The following GATC variants were observed in gnomAD, a reference collection of about 807,000 sequenced individuals.
GATC encodes the protein glutamyl-tRNA(Gln) amidotransferase subunit C, mitochondrial.
A neutral mutation model predicts 14.4 loss-of-function variants in GATC; 11 were observed. That is an observed-to-expected ratio of 0.77 (90% CI 0.48 to 1.27). GATC has a LOEUF of 1.27. Among genes scored for constraint, GATC ranks in the 50% most tolerant of loss-of-function variants. The pLI, the probability that GATC is intolerant of heterozygous loss-of-function variation, is 0.00. For synonymous variants in GATC, 76 were observed against 79.3 expected (o/e 0.96, Z 0.22); for missense variants, 204 against 183.0 (o/e 1.11, Z -0.66).
chr12:120,451,774 G>C (rs1800895574), intron 2 of GATC, among the ~76,000 whole-genome samples: 2 of 150,982 alleles, frequency 1.3e-5, no homozygotes, highest in Admixed American at 6.6e-5. Context: ...AAAACGCCTT[G>C]ACTGGCTAAT....
rs1365085169 is a variant in GATC at position 120,463,300 on chromosome 12, G to T, written c.*3341G>T. 5.3e-5 allele frequency: 8 copies of T among 152,326 alleles called. No homozygotes were observed. The highest frequency in any genetic ancestry group is 3.9e-4 in the Admixed American group (6 of 15,302). 9.4% of individuals were successfully genotyped at this position (152,326 alleles called of 1,614,324 possible). A position where few individuals can be genotyped will look rare whatever the true frequency, so the allele number is the denominator to read the frequency against. The stretch of plus-strand genomic sequence containing the variant: ...TGTTACGGTTTAGCCTGGCACAGTG[G>T]TGCATGCCTGCAGTCCCAACTACTG... On this transcript the variant is annotated 3_prime_UTR_variant, in exon 4 of 4. Transcript: ENST00000551765.
Position 120,461,733 on chromosome 12 carries a change from G to C in GATC, c.*1774G>C, listed in dbSNP as rs1036507635. 1 of 239,654 alleles carries C rather than the reference G, an allele frequency of 4.2e-6. No homozygotes were observed. Among genetic ancestry groups the C allele is most frequent in the Non-Finnish European group, 7.9e-6 (1 of 126,278 alleles). 14.8% of individuals were successfully genotyped at this position (239,654 alleles called of 1,614,324 possible). ...GGCCGACTCAGTCACAGTAACTGTT[G>C]ATCTCCATAGTAGAGCAACCCACAA... On this transcript the variant is annotated 3_prime_UTR_variant, in exon 4 of 4. Coordinates refer to ENST00000551765, the MANE Select transcript of GATC (RefSeq NM_176818.3).
intron 2 of GATC, among the ~76,000 whole-genome samples, chr12:120,453,291 C>A (rs920038353): frequency 6.6e-6 from 1 of 152,176 alleles, no homozygotes; most frequent in African/African-American, 2.4e-5. Flanking sequence ...GTTATTGTTC[C>A]TGAGTTTTAA....
In GATC at chr12:120,462,147, T is replaced by G; in HGVS notation, c.*2188T>G. ...GTGCTTCTCTCAGGATAAACTCGGA[T>G]GTAGGAAGTTTCACCCTGAAATGCA... On this transcript the variant is annotated 3_prime_UTR_variant, in exon 4 of 4. Transcript: ENST00000551765. The G allele has an allele frequency of 6.2e-7, 1 of 1,609,658 alleles. No individual in the cohort carries two copies. Among genetic ancestry groups the G allele is most frequent in the Non-Finnish European group, 8.5e-7 (1 of 1,178,226 alleles).
chr12:120,450,057 C>G (rs970192617), intron 2 of GATC, among the ~76,000 whole-genome samples: 1 of 152,168 alleles, frequency 6.6e-6, no homozygotes, highest in African/African-American at 2.4e-5. Flanking sequence ...CCACCATGCC[C>G]GGTCCCAGTG....
chr12:120,462,844 T>C lies in GATC; in HGVS notation c.*2885T>C, dbSNP rs1364982129. On this transcript the variant is annotated 3_prime_UTR_variant, in exon 4 of 4. Coordinates refer to ENST00000551765, the MANE Select transcript of GATC (RefSeq NM_176818.3). ...CCAAGGGGAAAGAAGCCGGATGCTT[T>C]TTCACCTTAGGTGAAAGTCAGTAAT... 6.6e-6 allele frequency: 1 copy of C among 152,236 alleles called. No homozygotes were observed. The highest frequency in any genetic ancestry group is 1.5e-5 in the Non-Finnish European group (1 of 68,070). The allele number at this position is 152,236 out of a possible 1,614,324, so 9.4% of individuals were successfully genotyped here. A position where few individuals can be genotyped will look rare whatever the true frequency, so the allele number is the denominator to read the frequency against.
Position 120,457,172 on chromosome 12 carries a change from C to G in GATC, c.351C>G (p.Ala117=), listed in dbSNP as rs375590833. 4 of 1,608,506 alleles carry G rather than the reference C, an allele frequency of 2.5e-6. No individual in the cohort carries two copies. Among genetic ancestry groups the G allele is most frequent in the Middle Eastern group, 1.7e-4 (1 of 6,036 alleles). Residue 117 remains alanine, a synonymous_variant, in exon 3 of 4, where the codon GCC becomes GCG. Transcript: ENST00000551765. ...SHRVVEEYFV[A]PPGNISLPKL... is the part of the protein sequence containing the mutation. ...GCGTCGTGGAGGAGTACTTTGTGGC[C>G]CCCCCAGGTACGTGCTGCCCAGAAT...
At chr12:120,459,513 G>A (rs547340473) in intron 3 of GATC, among the ~76,000 whole-genome samples, 4 of 152,306 alleles carry the variant, frequency 2.6e-5, no homozygotes, top group African/African-American at 7.2e-5. Flanking sequence ...TGAGAAAGTA[G>A]TGATCAGTTA....
chr12:120,459,725 G>A (rs572206226), intron 3 of GATC, among the ~76,000 whole-genome samples, 182 bp from the exon 4 acceptor site: 5 of 152,250 alleles, frequency 3.3e-5, no homozygotes, highest in South Asian at 4.1e-4. Context: ...GAGAGGTGGC[G>A]GGCGCCTGTA....
intron 3 of GATC, among the ~76,000 whole-genome samples, chr12:120,458,762 T>G (rs1878249877): frequency 6.6e-6 from 1 of 152,142 alleles, no homozygotes; most frequent in African/African-American, 2.4e-5. Context: ...CTGAGCAGAC[T>G]CCACAGAAGA....
chr12:120,451,872 A>ATTTTTTTTT (rs1555219520), intron 2 of GATC, among the ~76,000 whole-genome samples: 1 of 88,088 alleles, frequency 1.1e-5, no homozygotes. Context: ...AATTATATAA[A>ATTTTTTTTT]TTCTTTTTTT....
chr12:120,459,888 T>G lies in GATC; in HGVS notation c.359-19T>G. 6.2e-7 allele frequency: 1 copy of G among 1,603,676 alleles called. No homozygotes were observed. ...AACAAACAAACAAACAAAAATTCTC[T>G]TTTGTTATTTTCAAACAGGTAATAT... On this transcript the variant is annotated intron_variant, in intron 3 of 3. Coordinates refer to ENST00000551765, the MANE Select transcript of GATC (RefSeq NM_176818.3).
At chr12:120,457,602 C>CT (rs3999474) in intron 3 of GATC, among the ~76,000 whole-genome samples, 6,816 of 103,546 alleles carry the variant, frequency 0.066, 331 homozygotes, top group African/African-American at 0.083. Flanking sequence ...TAAAAGAATC[C>CT]TTTTTTTTTT....
chr12:120,448,453 G>A (rs930690731), intron 2 of GATC, among the ~76,000 whole-genome samples: 12 of 145,878 alleles, frequency 8.2e-5, no homozygotes, highest in Admixed American at 2.1e-4. Flanking sequence ...CTCAGCCTCC[G>A]GAGTAGCTGG....
intron 3 of GATC, among the ~76,000 whole-genome samples, chr12:120,459,578 C>T (rs569731745): frequency 3.9e-5 from 6 of 152,270 alleles, no homozygotes; most frequent in East Asian, 1.9e-4. Context: ...CTGTTGTGGC[C>T]GGGCGCGGTG....
intron 2 of GATC, among the ~76,000 whole-genome samples, chr12:120,451,153 A>C (rs1208833661): frequency 4.7e-5 from 7 of 148,660 alleles, no homozygotes; most frequent in East Asian, 2.0e-4. Context: ...CAAAAAAAAA[A>C]AAAAAAAGGT....
chr12:120,461,102 A>T lies in GATC; in HGVS notation c.*1143A>T, dbSNP rs888615459. 2 of 151,368 alleles carry T rather than the reference A, an allele frequency of 1.3e-5. No individual in the cohort carries two copies. The highest frequency in any genetic ancestry group is 4.9e-5 in the African/African-American group (2 of 41,166). The allele number at this position is 151,368 out of a possible 1,614,324, so 9.4% of individuals were successfully genotyped here. On this transcript the variant is annotated 3_prime_UTR_variant, in exon 4 of 4. Transcript: ENST00000551765. The stretch of plus-strand genomic sequence containing the variant: ...CCCAATAATATTTATGCTGCTGCTC[A>T]TTTTTTTAGTTTTCTGAGACAGGGG...
chr12:120,454,890 TTG>T (rs757479116), intron 2 of GATC: 1,122 of 276,664 alleles, frequency 4.1e-3, no homozygotes, highest in South Asian at 5.7e-3. Context: ...CAACTCTCTT[TTG>T]TGTGTGTGTG....
At chr12:120,456,898 A>G (rs979493517) in intron 2 of GATC, among the ~76,000 whole-genome samples, 178 bp from the exon 3 acceptor site, 8 of 152,170 alleles carry the variant, frequency 5.3e-5, no homozygotes, top group African/African-American at 1.2e-4. Flanking sequence ...TGTTCGGTCA[A>G]TCTATAAACT....
Sources: gnomAD v4.1 joint callset for allele counts (sites outside exome capture counted in the v4.1 genomes callset) on GRCh38, gnomAD v4.1.1 for gene constraint, MANE v1.5 for transcripts, NCBI Gene and HGNC (gene_info 2026-07-23, HGNC 2026-07-21) for gene names.